Variants in ASF1A observed in about 807,000 individuals in gnomAD.
ASF1A encodes histone chaperone ASF1A.
Under a neutral mutation model 22.0 loss-of-function variants are expected in ASF1A, and 5 were observed. That is an observed-to-expected ratio of 0.23 (90% confidence interval 0.12 to 0.48). ASF1A has a LOEUF of 0.48. Among genes scored for constraint, ASF1A ranks in the 20% least tolerant of loss-of-function variants. The pLI, the probability that ASF1A is intolerant of heterozygous loss-of-function variation, is 0.99. For synonymous variants in ASF1A, 97 were observed against 86.7 expected (o/e 1.12, Z -0.66); for missense variants, 137 against 240.6 (o/e 0.57, Z 2.85).
chr6:118,895,387 C>T (rs1223481854), intron 1 of ASF1A, among the ~76,000 whole-genome samples: 2 of 152,296 alleles, frequency 1.3e-5, no homozygotes, highest in African/African-American at 4.8e-5. Flanking sequence ...TTACATTTAA[C>T]CTAAAAGCAG....
chr6:118,897,315 G>C (rs957872850), intron 1 of ASF1A, among the ~76,000 whole-genome samples: 8 of 152,096 alleles, frequency 5.3e-5, no homozygotes, highest in Admixed American at 5.2e-4. Context: ...TTGGTCTTAA[G>C]ATAATTTGGT....
At chr6:118,894,616 G>C (rs369241086) in intron 1 of ASF1A, 94 bp downstream of exon 1, 46 of 1,078,602 alleles carry the variant, frequency 4.3e-5, no homozygotes, top group Middle Eastern at 5.4e-4. Context: ...GGCTGTGTTC[G>C]GCGCCTGGCG....
At chr6:118,901,940 C>T (rs1779820345) in intron 2 of ASF1A, among the ~76,000 whole-genome samples, 1 of 152,148 alleles carries the variant, frequency 6.6e-6, no homozygotes, top group Admixed American at 6.5e-5. Flanking sequence ...CACTTAGACA[C>T]ATGCCATCTC....
At chr6:118,894,961 C>G (rs1044121140) in intron 1 of ASF1A, among the ~76,000 whole-genome samples, 2 of 152,140 alleles carry the variant, frequency 1.3e-5, no homozygotes. Flanking sequence ...CCATCTTACC[C>G]CGAGTCGAGA....
chr6:118,901,071 A>G (rs753769143), intron 2 of ASF1A, 190 bp downstream of exon 2: 31 of 522,876 alleles, frequency 5.9e-5, no homozygotes, highest in Non-Finnish European at 9.2e-5. Context: ...TCCTGGTTTT[A>G]TATGCTGAGA....
At chr6:118,896,240 C>T (rs1456456098) in intron 1 of ASF1A, among the ~76,000 whole-genome samples, 1 of 152,054 alleles carries the variant, frequency 6.6e-6, no homozygotes, top group Non-Finnish European at 1.5e-5. Context: ...AGCTACCAGG[C>T]CCATTTTTCA....
At chr6:118,900,625 C>G in intron 1 of ASF1A, 141 bp from the exon 2 acceptor site, 1 of 640,200 alleles carries the variant, frequency 1.6e-6, no homozygotes, top group Non-Finnish European at 2.8e-6. Flanking sequence ...TTATAAGGAG[C>G]ATTTCACTGC....
chr6:118,894,324 G>A lies in ASF1A; in HGVS notation c.-90G>A. 2 of 1,514,928 alleles carry A rather than the reference G, an allele frequency of 1.3e-6. No homozygotes were observed. The highest frequency in any genetic ancestry group is 1.8e-6 in the Non-Finnish European group (2 of 1,133,996). 93.8% of individuals were successfully genotyped at this position (1,514,928 alleles called of 1,614,324 possible). A position where few individuals can be genotyped will look rare whatever the true frequency, so the allele number is the denominator to read the frequency against. Reference sequence around the variant, plus strand: ...CACGACGTCTGGCCGGCGCTGGAGCGGGGGTCTGCGCTCTCCCGAGCGGCC... The same window carrying A: ...CACGACGTCTGGCCGGCGCTGGAGCAGGGGTCTGCGCTCTCCCGAGCGGCC... On this transcript the variant is annotated 5_prime_UTR_variant, in exon 1 of 4. Coordinates refer to ENST00000229595, the MANE Select transcript of ASF1A (RefSeq NM_014034.3).
At chr6:118,898,350 C>G (rs1779575274) in intron 1 of ASF1A, among the ~76,000 whole-genome samples, 1 of 151,768 alleles carries the variant, frequency 6.6e-6, no homozygotes, top group African/African-American at 2.4e-5. Flanking sequence ...ATTTATACCA[C>G]TTAGGATCAA....
At chr6:118,901,376 C>T (rs538268156) in intron 2 of ASF1A, among the ~76,000 whole-genome samples, 6 of 152,210 alleles carry the variant, frequency 3.9e-5, no homozygotes, top group African/African-American at 9.6e-5. Context: ...TTAACAGATA[C>T]GTTTAGTGGA....
At chr6:118,900,917 T>C (rs1170337317) in intron 2 of ASF1A, 36 bp downstream of exon 2, 4 of 1,378,396 alleles carry the variant, frequency 2.9e-6, no homozygotes, top group Non-Finnish European at 3.1e-6. Context: ...ATGCCAAATA[T>C]GTTTCGAAGT....
chr6:118,895,198 G>C (rs1192515245), intron 1 of ASF1A, among the ~76,000 whole-genome samples: 1 of 151,884 alleles, frequency 6.6e-6, no homozygotes, highest in Non-Finnish European at 1.5e-5. Flanking sequence ...GCCCCTCCGC[G>C]CCGCGGGCTG....
In ASF1A at chr6:118,905,837, C is replaced by G. The variant is rs1235546468; in HGVS notation, c.402+9C>G. Reference sequence around the variant, plus strand: ...AACCAGACTTTTCTAAGGTAATGTTCTTACTATTCCTTTTTAACTACTTTT... The same window carrying G: ...AACCAGACTTTTCTAAGGTAATGTTGTTACTATTCCTTTTTAACTACTTTT... On this transcript the variant is annotated intron_variant, in intron 3 of 3. Coordinates refer to ENST00000229595, the MANE Select transcript of ASF1A (RefSeq NM_014034.3). 1.9e-6 allele frequency: 3 copies of G among 1,554,328 alleles called. No individual in the cohort carries two copies. Among genetic ancestry groups the G allele is most frequent in the East Asian group, 4.6e-5 (2 of 43,948 alleles).
chr6:118,895,197 C>G (rs909092007), intron 1 of ASF1A, among the ~76,000 whole-genome samples: 6 of 151,784 alleles, frequency 4.0e-5, no homozygotes, highest in Non-Finnish European at 7.4e-5. Flanking sequence ...GGCCCCTCCG[C>G]GCCGCGGGCT....
At chr6:118,894,642 G>A (rs369772974) in intron 1 of ASF1A, 120 bp downstream of exon 1, 118 of 856,752 alleles carry the variant, frequency 1.4e-4, no homozygotes, top group Middle Eastern at 3.4e-4. Flanking sequence ...GGGCTGCTCT[G>A]CGGAGGGAAA....
Position 118,894,347 on chromosome 6 carries a change from G to A in ASF1A, c.-67G>A. Reference sequence around the variant, plus strand: ...GCGGGGGTCTGCGCTCTCCCGAGCGGCCGCGCGCTGGACTTTATTGTGCCG... The same window carrying A: ...GCGGGGGTCTGCGCTCTCCCGAGCGACCGCGCGCTGGACTTTATTGTGCCG... On this transcript the variant is annotated 5_prime_UTR_variant, in exon 1 of 4. Transcript: ENST00000229595. The A allele has an allele frequency of 2.0e-6, 3 of 1,531,832 alleles. No homozygotes were observed. The Admixed American group carries it at 5.9e-5, about 30-fold the overall frequency. The allele number at this position is 1,531,832 out of a possible 1,614,324, so 94.9% of individuals were successfully genotyped here. A position where few individuals can be genotyped will look rare whatever the true frequency, so the allele number is the denominator to read the frequency against.
intron 3 of ASF1A, among the ~76,000 whole-genome samples, chr6:118,906,507 A>G (rs1165598471): frequency 1.3e-5 from 2 of 152,194 alleles, no homozygotes; most frequent in East Asian, 3.9e-4. Flanking sequence ...CTAATTATTC[A>G]ATGATGATAT....
chr6:118,903,419 C>G (rs1231285858), intron 2 of ASF1A, among the ~76,000 whole-genome samples: 1 of 152,074 alleles, frequency 6.6e-6, no homozygotes, highest in Non-Finnish European at 1.5e-5. Context: ...TTCCAAAATA[C>G]TAAGTGCTCA....
At chr6:118,898,635 C>G (rs1779600081) in intron 1 of ASF1A, among the ~76,000 whole-genome samples, 1 of 152,104 alleles carries the variant, frequency 6.6e-6, no homozygotes, top group Non-Finnish European at 1.5e-5. Flanking sequence ...CCAGGCTGGT[C>G]TCGAACTCCT....
Sources: allele counts gnomAD v4.1 joint callset (sites outside exome capture counted in the v4.1 genomes callset), GRCh38; gene constraint gnomAD v4.1.1; transcripts MANE v1.5; gene names NCBI Gene and HGNC (gene_info 2026-07-23, HGNC 2026-07-21).